The following CCSER1 variants were observed in gnomAD, a reference collection of about 807,000 sequenced individuals.
The protein encoded by CCSER1 is coiled-coil serine rich protein 1.
CCSER1 carries 41 observed loss-of-function variants against 82.0 expected under a neutral mutation model. That is an observed-to-expected ratio of 0.50 (90% CI 0.39 to 0.65). CCSER1 has a LOEUF of 0.65. CCSER1 is among the 30% of genes least tolerant of loss of function. The pLI, the probability that CCSER1 is intolerant of heterozygous loss-of-function variation, is 0.00. For missense variants in CCSER1, 1,119 were observed against 1,064.2 expected (o/e 1.05, Z -0.72); for synonymous variants, 414 against 383.9 (o/e 1.08, Z -0.92).
intron 5 of CCSER1, among the ~76,000 whole-genome samples, chr4:90,605,696 G>A (rs1263690334): frequency 1.3e-5 from 2 of 152,122 alleles, no homozygotes; most frequent in African/African-American, 4.8e-5. Flanking sequence ...AGTTGAATTA[G>A]AATAAAATAT....
chr4:90,391,827 T>A (rs1751208688), intron 3 of CCSER1, among the ~76,000 whole-genome samples: 1 of 151,920 alleles, frequency 6.6e-6, no homozygotes, highest in South Asian at 2.1e-4. Flanking sequence ...AGATTTTTTT[T>A]ATATGTGAAA....
At chr4:91,257,796 G>A (rs545556269) in intron 10 of CCSER1, among the ~76,000 whole-genome samples, 1 of 152,154 alleles carries the variant, frequency 6.6e-6, no homozygotes, top group South Asian at 2.1e-4. Flanking sequence ...ATATGCAGAT[G>A]TTTCTTCCAC....
chr4:90,134,838 G>T (rs1723387585), intron 1 of CCSER1, among the ~76,000 whole-genome samples: 2 of 152,072 alleles, frequency 1.3e-5, no homozygotes, highest in African/African-American at 2.4e-5. Context: ...TGTAGCAAAG[G>T]ATATATTTAA....
chr4:90,392,252 T>C (rs1351596579), intron 3 of CCSER1, among the ~76,000 whole-genome samples: 2 of 152,052 alleles, frequency 1.3e-5, no homozygotes, highest in African/African-American at 4.8e-5. Flanking sequence ...AATAAAATTA[T>C]ATTTACTTTA....
chr4:90,851,187 C>T (rs1763840225), intron 8 of CCSER1, among the ~76,000 whole-genome samples: 1 of 152,170 alleles, frequency 6.6e-6, no homozygotes, highest in Admixed American at 6.5e-5. Flanking sequence ...ATAAATTACC[C>T]AGTCTCGTAT....
intron 10 of CCSER1, among the ~76,000 whole-genome samples, chr4:91,230,216 C>T (rs1738518233): frequency 6.6e-6 from 1 of 151,950 alleles, no homozygotes; most frequent in South Asian, 2.1e-4. Flanking sequence ...AAGTTGAATC[C>T]ATTTAACTGT....
chr4:90,317,097 C>T (rs922499825), intron 3 of CCSER1, among the ~76,000 whole-genome samples: 1 of 152,160 alleles, frequency 6.6e-6, no homozygotes, highest in African/African-American at 2.4e-5. Context: ...CAGGAAGTTT[C>T]TCTCCAGACT....
intron 10 of CCSER1, among the ~76,000 whole-genome samples, chr4:91,430,401 AT>A (rs1455023381): frequency 1.3e-5 from 2 of 152,212 alleles, no homozygotes; most frequent in African/African-American, 4.8e-5. Flanking sequence ...TGAAATCTGA[AT>A]ATTGACTTCA....
intron 4 of CCSER1, among the ~76,000 whole-genome samples, chr4:90,448,444 A>AAT (rs70963067): frequency 0.13 from 5,526 of 42,572 alleles, 522 homozygotes; most frequent in Non-Finnish European, 0.16. Context: ...AGGTGAATTG[A>AAT]ATATATATAT....
chr4:91,052,135 C>T (rs1055995595), intron 9 of CCSER1, among the ~76,000 whole-genome samples: 10 of 151,856 alleles, frequency 6.6e-5, no homozygotes, highest in Admixed American at 6.6e-4. Context: ...TTTTTACATA[C>T]ATTGAATAGA....
chr4:91,235,121 A>G (rs1017494491), intron 10 of CCSER1, among the ~76,000 whole-genome samples: 3 of 152,088 alleles, frequency 2.0e-5, no homozygotes, highest in African/African-American at 7.2e-5. Flanking sequence ...TATATAGTAC[A>G]GAGAAAGCAC....
intron 6 of CCSER1, among the ~76,000 whole-genome samples, chr4:90,654,292 TG>T (rs1401268929): frequency 6.6e-6 from 1 of 152,132 alleles, no homozygotes; most frequent in African/African-American, 2.4e-5. Context: ...TGTTATCCAA[TG>T]GAATAACATA....
intron 6 of CCSER1, among the ~76,000 whole-genome samples, chr4:90,649,136 C>T (rs1288785312): frequency 6.6e-6 from 1 of 152,116 alleles, no homozygotes; most frequent in African/African-American, 2.4e-5. Context: ...GTGAAAATAA[C>T]AATCCTGTCC....
intron 9 of CCSER1, among the ~76,000 whole-genome samples, chr4:90,979,233 T>A (rs1028135181): frequency 2.6e-5 from 4 of 151,528 alleles, no homozygotes; most frequent in Non-Finnish European, 4.4e-5. Context: ...GCCAATTAGA[T>A]ACTAATACAG....
intron 10 of CCSER1, among the ~76,000 whole-genome samples, chr4:91,412,552 C>G (rs1031972242): frequency 3.3e-5 from 5 of 152,034 alleles, no homozygotes; most frequent in Admixed American, 1.3e-4. Context: ...GGAAGTCCAA[C>G]CCACCCAGGG....
intron 6 of CCSER1, among the ~76,000 whole-genome samples, chr4:90,640,643 G>A (rs1405321123): frequency 2.0e-5 from 3 of 152,122 alleles, no homozygotes; most frequent in Non-Finnish European, 2.9e-5. Flanking sequence ...TCAAGGGAGA[G>A]ACCATGTGGA....
At chr4:91,373,542 A>C (rs1471566037) in intron 10 of CCSER1, among the ~76,000 whole-genome samples, 1 of 152,150 alleles carries the variant, frequency 6.6e-6, no homozygotes, top group Non-Finnish European at 1.5e-5. Context: ...AACTGAATAC[A>C]TAAATGTTCT....
chr4:90,957,523 TCATATATTATATATATTATATA>T (rs1733601438), intron 9 of CCSER1, among the ~76,000 whole-genome samples: 2 of 96,910 alleles, frequency 2.1e-5, no homozygotes, highest in African/African-American at 7.0e-5. Flanking sequence ...TAACATAATA[TCATATATTATATATATTATATA>T]ATTATATTAT....
At chr4:91,461,312 C>T (rs371373954) in intron 10 of CCSER1, among the ~76,000 whole-genome samples, 16 of 152,102 alleles carry the variant, frequency 1.1e-4, no homozygotes, top group African/African-American at 3.9e-4. Context: ...CATTAATCTC[C>T]ACAAACTAGT....
Sources: gnomAD v4.1 joint callset for allele counts (sites outside exome capture counted in the v4.1 genomes callset) on GRCh38, gnomAD v4.1.1 for gene constraint, MANE v1.5 for transcripts, NCBI Gene and HGNC (gene_info 2026-07-23, HGNC 2026-07-21) for gene names.